ZBBX: variants seen among roughly 807,000 people sequenced by gnomAD.
ZBBX encodes the protein zinc finger B-box domain-containing protein 1.
Under a neutral mutation model 108.5 loss-of-function variants are expected in ZBBX, and 101 were observed. The ratio of observed to expected loss-of-function variants is 0.93; its 90% CI spans 0.79 to 1.10. The LOEUF is 1.10. Among genes scored for constraint, ZBBX ranks in the 50% least tolerant of loss-of-function variants. The probability of loss-of-function intolerance (pLI) is 0.00; values close to 1 mark genes in which losing one functional copy is unlikely to be tolerated. For synonymous variants in ZBBX, 356 were observed against 323.4 expected, an observed-to-expected ratio of 1.10 and a Z score of -1.08; for missense variants, 1,009 against 941.4, an observed-to-expected ratio of 1.07 and a Z score of -0.94.
At chr3:167,218,399 A>G in the ZBBX span, among the ~76,000 whole-genome samples, 1 of 152,178 alleles carries the variant, frequency 6.6e-6, no homozygotes, top group Non-Finnish European at 1.5e-5. Flanking sequence ...TCAACTAATC[A>G]AAAATAATAA....
intron 20 of ZBBX, among the ~76,000 whole-genome samples, chr3:167,256,298 G>A (rs1202970070): frequency 6.6e-6 from 1 of 151,964 alleles, no homozygotes; most frequent in Non-Finnish European, 1.5e-5. Flanking sequence ...GGATATATGG[G>A]TTTCTTTTTT....
At chr3:167,399,224 A>G (rs1271075502) in intron 1 of ZBBX, among the ~76,000 whole-genome samples, 1 of 152,156 alleles carries the variant, frequency 6.6e-6, no homozygotes, top group Non-Finnish European at 1.5e-5. Context: ...ATACCACACA[A>G]TAACAACTCC....
intron 20 of ZBBX, among the ~76,000 whole-genome samples, chr3:167,266,700 T>G (rs1244362730): frequency 6.6e-6 from 1 of 152,246 alleles, no homozygotes; most frequent in Admixed American, 6.5e-5. Context: ...ACTTGCAATC[T>G]TGATTGACGT....
intron 9 of ZBBX, among the ~76,000 whole-genome samples, chr3:167,340,447 T>C (rs1740340855): frequency 6.6e-6 from 1 of 152,108 alleles, no homozygotes; most frequent in Non-Finnish European, 1.5e-5. Context: ...TTGAACATCT[T>C]AATCCATTAA....
rs1553820806 is a variant in ZBBX at position 167,330,945 on chromosome 3, T to TTCTCTCTCTCTCTCTTTCTCTCTC, written c.688-2830_688-2829insGAGAGAGAAAGAGAGAGAGAGAGA. On this transcript the variant is annotated intron_variant, in intron 10 of 21. Transcript: ENST00000675490. ...TATCTCTTCTCTCTCCTCTCTTTCT[T>TTCTCTCTCTCTCTCTTTCTCTCTC]TCTCTCTCTCTCTCTCTCTCCCCCA... Among the ~76,000 whole-genome samples the TTCTCTCTCTCTCTCTTTCTCTCTC allele has an allele frequency of 3.9e-4, 34 of 87,162 alleles. 3 individuals are homozygous for TTCTCTCTCTCTCTCTTTCTCTCTC. The highest frequency in any genetic ancestry group is 5.3e-4 in the Non-Finnish European group (24 of 45,538). The allele number at this position is 87,162 out of a possible 152,430, so 57.2% of individuals were successfully genotyped here.
chr3:167,297,909 A>G (rs1731956556), intron 18 of ZBBX, among the ~76,000 whole-genome samples: 1 of 152,052 alleles, frequency 6.6e-6, no homozygotes. Context: ...AGTATTGTCA[A>G]GAATATGTAA....
chr3:167,362,657 A>C (rs1357026709), intron 6 of ZBBX, among the ~76,000 whole-genome samples: 1 of 152,132 alleles, frequency 6.6e-6, no homozygotes, highest in African/African-American at 2.4e-5. Context: ...AGTTTACATC[A>C]ACTGAAAGCC....
Position 167,317,035 on chromosome 3 carries a change from T to G in ZBBX, c.1164A>C (p.Glu388Asp). 1.2e-6 allele frequency: 2 copies of G among 1,609,898 alleles called. No homozygotes were observed. The highest frequency in any genetic ancestry group is 8.5e-7 in the Non-Finnish European group (1 of 1,177,432). ...CCAGTTCGACTATCTTTAGAGATGGTTCAGGTCTCTCTATGTTTAATGTTT... is the reference window on the plus strand; with the variant it reads ...CCAGTTCGACTATCTTTAGAGATGGGTCAGGTCTCTCTATGTTTAATGTTT... ...PVETLNIERP[E>D]PSLKIVELDD... is the part of the protein sequence containing the mutation. Residue 388 changes from glutamate to aspartate, a missense_variant, in exon 14 of 22, where the codon GAA becomes GAC. By Grantham distance (45) the Glu-to-Asp change is conservative. Transcript: ENST00000675490.
At chr3:167,311,945 T>C (rs889432724) in intron 16 of ZBBX, among the ~76,000 whole-genome samples, 5 of 152,172 alleles carry the variant, frequency 3.3e-5, no homozygotes, top group Non-Finnish European at 7.4e-5. Context: ...TTTACCCAAA[T>C]AAGTTGAAAA....
At chr3:167,344,614 G>T (rs1428571989) in intron 9 of ZBBX, among the ~76,000 whole-genome samples, 1 of 151,654 alleles carries the variant, frequency 6.6e-6, no homozygotes, top group African/African-American at 2.4e-5. Context: ...TTTGCCAGCA[G>T]GACAGCATCA....
chr3:167,189,981 G>T, the ZBBX span, among the ~76,000 whole-genome samples: 547 of 152,280 alleles, frequency 3.6e-3, 2 homozygotes, highest in African/African-American at 0.013. Context: ...CAGGGTCCAG[G>T]TAGAGCTACC....
At chr3:167,342,120 C>T (rs989748567) in intron 9 of ZBBX, among the ~76,000 whole-genome samples, 1 of 151,592 alleles carries the variant, frequency 6.6e-6, no homozygotes, top group Admixed American at 6.6e-5. Context: ...TAATTTGTTA[C>T]ATTTGGTTTT....
chr3:167,220,867 C>T, the ZBBX span, among the ~76,000 whole-genome samples: 1 of 151,618 alleles, frequency 6.6e-6, no homozygotes, highest in Non-Finnish European at 1.5e-5. Context: ...CTGATAAACA[C>T]ATTTAGAATA....
intron 1 of ZBBX, among the ~76,000 whole-genome samples, chr3:167,399,253 T>C (rs904753102): frequency 6.6e-6 from 1 of 152,144 alleles, no homozygotes; most frequent in Non-Finnish European, 1.5e-5. Flanking sequence ...GAGTACCAAT[T>C]GTATGTCAGG....
intron 1 of ZBBX, among the ~76,000 whole-genome samples, chr3:167,402,623 C>T (rs2108644082): frequency 6.6e-6 from 1 of 152,048 alleles, no homozygotes; most frequent in Admixed American, 6.6e-5. Flanking sequence ...AAGCAAACCA[C>T]AGATGATCCA....
intron 20 of ZBBX, among the ~76,000 whole-genome samples, chr3:167,259,580 G>C (rs1724106650): frequency 6.6e-6 from 1 of 151,952 alleles, no homozygotes; most frequent in Non-Finnish European, 1.5e-5. Flanking sequence ...GTCAGTTTGT[G>C]CTCTTTCAGT....
Position 167,356,118 on chromosome 3 carries a change from A to G in ZBBX, c.432+3752T>C, listed in dbSNP as rs527385750. 2.6e-5 allele frequency among the ~76,000 whole-genome samples: 4 copies of G among 152,240 alleles called. No homozygotes were observed. The South Asian group carries it at 8.3e-4, about 31-fold the overall frequency. The stretch of plus-strand genomic sequence containing the variant: ...AAAAATATTGACTCATAGCTCCTGT[A>G]TAATTCGTTTTCAGATCATTAGAAG... On this transcript the variant is annotated intron_variant, in intron 8 of 21. Coordinates refer to ENST00000675490, the MANE Select transcript of ZBBX (RefSeq NM_001199201.2).
the ZBBX span, among the ~76,000 whole-genome samples, chr3:167,187,316 C>A: frequency 6.6e-6 from 1 of 152,134 alleles, no homozygotes; most frequent in African/African-American, 2.4e-5. Flanking sequence ...GGTGGTTCTA[C>A]GTGAGAATTT....
intron 1 of ZBBX, among the ~76,000 whole-genome samples, chr3:167,391,057 T>C (rs554330774): frequency 6.2e-4 from 94 of 152,308 alleles, no homozygotes; most frequent in African/African-American, 2.2e-3. Flanking sequence ...ATCCTTGTCT[T>C]GTGCCGGTTT....
Sources: allele counts gnomAD v4.1 joint callset (sites outside exome capture counted in the v4.1 genomes callset), GRCh38; gene constraint gnomAD v4.1.1; transcripts MANE v1.5; gene names NCBI Gene and HGNC (gene_info 2026-07-23, HGNC 2026-07-21).